FAH: variants seen among roughly 807,000 people sequenced by gnomAD.
FAH encodes the protein fumarylacetoacetate hydrolase.
FAH carries 47 observed loss-of-function variants against 55.8 expected under a neutral mutation model. That is an observed-to-expected ratio of 0.84 (90% confidence interval 0.67 to 1.07). The LOEUF (loss-of-function observed/expected upper bound fraction) is 1.07, where lower values mean the gene tolerates loss of function less well. FAH is among the 50% of genes least tolerant of loss of function. The probability of loss-of-function intolerance (pLI) is 0.00; values close to 1 mark genes in which losing one functional copy is unlikely to be tolerated. For missense variants in FAH, 495 were observed against 545.9 expected, an observed-to-expected ratio of 0.91 and a Z score of 0.93; for synonymous variants, 199 against 207.7, an observed-to-expected ratio of 0.96 and a Z score of 0.36.
chr15:80,155,832 A>C (rs2041094354), intron 1 of FAH: 1 of 456,194 alleles, frequency 2.2e-6, no homozygotes, highest in African/African-American at 2.0e-5. Flanking sequence ...GAGGGAAGGC[A>C]GCATAAGTCA....
In FAH at chr15:80,181,069, G is replaced by T. The variant is rs121965076; in HGVS notation, c.1090G>T (p.Glu364Ter). Reference sequence around the variant, plus strand: ...GCCAGAAAACTTCGGCTCCATGTTGGAACTGTCGTGGAAGGGAACGAAGCC... The same window carrying T: ...GCCAGAAAACTTCGGCTCCATGTTGTAACTGTCGTGGAAGGGAACGAAGCC... ...PEPENFGSMLELSWKGTKPID... is the reference protein window; with the variant it reads ...PEPENFGSML Residue 364 changes from glutamate to a stop codon, truncating the protein, a stop_gained, in exon 13 of 14, where the codon GAA becomes TAA. Coordinates refer to ENST00000561421, the MANE Select transcript of FAH (RefSeq NM_000137.4). LOFTEE classifies it high-confidence loss of function. The T allele has an allele frequency of 9.0e-5, 146 of 1,613,620 alleles. No individual in the cohort carries two copies. Among genetic ancestry groups the T allele is most frequent in the Non-Finnish European group, 1.2e-4 (142 of 1,179,770 alleles).
At chr15:80,160,977 T>A (rs778452575) in intron 4 of FAH, among the ~76,000 whole-genome samples, 26 of 152,218 alleles carry the variant, frequency 1.7e-4, no homozygotes, top group Non-Finnish European at 3.8e-4. Flanking sequence ...TCTGCTGGGC[T>A]ACCTGGGCAC....
chr15:80,173,416 A>G (rs560501622), intron 9 of FAH: 2 of 546,878 alleles, frequency 3.7e-6, no homozygotes, highest in Non-Finnish European at 6.6e-6. Context: ...GACCCGGGGG[A>G]TCTGGCCAGT....
At chr15:80,160,304 C>G in intron 3 of FAH, 106 bp from the exon 4 acceptor site, 1 of 1,152,678 alleles carries the variant, frequency 8.7e-7, no homozygotes, top group South Asian at 1.2e-5. Context: ...CAGAAGGTGC[C>G]CACTGGAGAT....
chr15:80,152,950 G>C (rs112474268), upstream of FAH: 264,758 of 975,720 alleles, frequency 0.27, 37,728 homozygotes, highest in Non-Finnish European at 0.3. Flanking sequence ...GACAGGCCGT[G>C]GGGGCGGGCA....
rs57837512 is a variant in FAH, at chr15:80,153,171, G to GGGAGTGGAGTGGAGT, written c.81+65_81+79dup. The GGGAGTGGAGTGGAGT allele has an allele frequency of 4.3e-3, 5,392 of 1,249,794 alleles. 235 individuals carry two copies. In the African/African-American group the frequency reaches 0.077, roughly 18 times the overall value. 77.4% of individuals were successfully genotyped at this position (1,249,794 alleles called of 1,614,324 possible). A position where few individuals can be genotyped will look rare whatever the true frequency, so the allele number is the denominator to read the frequency against. ...GGGCTTTGGCGTCCGGGCGCGGGGA[G>GGGAGTGGAGTGGAGT]GGAGTGGAGTGGAGTGGAGTGGAGT... On this transcript the variant is annotated intron_variant, in intron 1 of 13. Transcript: ENST00000561421.
In FAH at chr15:80,160,471, C is replaced by T. The variant is rs764859961; in HGVS notation, c.364+12C>T. Reference sequence around the variant, plus strand: ...TCCAGCCACCATAGGTGAGTGCAGTCTCTTCACCAAGATAAGAACGGAGCA... The same window carrying T: ...TCCAGCCACCATAGGTGAGTGCAGTTTCTTCACCAAGATAAGAACGGAGCA... On this transcript the variant is annotated intron_variant, in intron 4 of 13. Coordinates refer to ENST00000561421, the MANE Select transcript of FAH (RefSeq NM_000137.4). The T allele has an allele frequency of 6.2e-7, 1 of 1,613,770 alleles. No individual in the cohort carries two copies. Among genetic ancestry groups the T allele is most frequent in the Admixed American group, 1.7e-5 (1 of 60,030 alleles).
chr15:80,157,905 G>A, intron 1 of FAH, 155 bp from the exon 2 acceptor site: 2 of 684,046 alleles, frequency 2.9e-6, no homozygotes, highest in South Asian at 3.1e-5. Context: ...GGGAGCTGGG[G>A]CAGGATGCTG....
At chr15:80,173,574 T>A (rs529710600) in intron 9 of FAH, 57 of 348,216 alleles carry the variant, frequency 1.6e-4, no homozygotes, top group African/African-American at 1.2e-3. Context: ...AGCCTCTGGT[T>A]CCCGGCACCG....
rs559050778 is a variant in FAH, at chr15:80,181,088, C to T, written c.1109C>T (p.Thr370Met). ...ATGTTGGAACTGTCGTGGAAGGGAA[C>T]GAAGCCCATAGACCTGGGGAATGGT... ...GSMLELSWKG[T>M]KPIDLGNGQT... Residue 370 changes from threonine to methionine, a missense_variant, in exon 13 of 14, where the codon ACG (threonine) becomes ATG (methionine). By Grantham distance (81) the Thr-to-Met change is moderately conservative. Coordinates refer to ENST00000561421, the MANE Select transcript of FAH (RefSeq NM_000137.4). 6.8e-6 allele frequency: 11 copies of T among 1,613,744 alleles called. No individual in the cohort carries two copies. The highest frequency in any genetic ancestry group is 1.6e-4 in the Middle Eastern group (1 of 6,080).
intron 1 of FAH, chr15:80,157,616 CTG>C (rs1412097913): frequency 2.6e-5 from 7 of 274,156 alleles, no homozygotes; most frequent in Non-Finnish European, 5.0e-5. Context: ...GCCCTCAGCA[CTG>C]TGTGTTGGGC....
At chr15:80,172,329 C>A in intron 8 of FAH, 81 bp downstream of exon 8, 2 of 1,034,322 alleles carry the variant, frequency 1.9e-6, no homozygotes, top group Non-Finnish European at 1.5e-6. Flanking sequence ...AGCTGAAGAT[C>A]TGGTGCAGGT....
chr15:80,168,801 C>G (rs1300377801), intron 7 of FAH, among the ~76,000 whole-genome samples: 1 of 152,120 alleles, frequency 6.6e-6, no homozygotes, highest in Non-Finnish European at 1.5e-5. Context: ...CGTCTAGTGT[C>G]CCTAGCACAG....
intron 13 of FAH, among the ~76,000 whole-genome samples, chr15:80,182,668 C>A (rs1475457811): frequency 6.6e-6 from 1 of 152,130 alleles, no homozygotes; most frequent in East Asian, 1.9e-4. Flanking sequence ...TATCATTGCC[C>A]CCATTTTGCA....
Position 80,177,633 on chromosome 15 carries a change from G to A in FAH, c.960+50G>A, listed in dbSNP as rs752203489. On this transcript the variant is annotated intron_variant, in intron 11 of 13. Coordinates refer to ENST00000561421, the MANE Select transcript of FAH (RefSeq NM_000137.4). ...GCTTTTTAGAATTGAGGGAAAGAGA[G>A]ACTTTTCTTCCTGGCAGGAACAGGA... 1.2e-5 allele frequency: 18 copies of A among 1,514,712 alleles called. No homozygotes were observed. In the East Asian group the frequency reaches 4.1e-4, roughly 34 times the overall value. The allele number at this position is 1,514,712 out of a possible 1,614,324, so 93.8% of individuals were successfully genotyped here. A position where few individuals can be genotyped will look rare whatever the true frequency, so the allele number is the denominator to read the frequency against.
intron 7 of FAH, 70 bp downstream of exon 7, chr15:80,168,386 TC>T: frequency 1.3e-6 from 2 of 1,527,658 alleles, no homozygotes. Flanking sequence ...TTGGGATGGC[TC>T]CCCGCACCAT....
chr15:80,156,551 C>A (rs1755243808), intron 1 of FAH: 1 of 152,184 alleles, frequency 6.6e-6, no homozygotes, highest in African/African-American at 2.4e-5. Context: ...ATATGACCAA[C>A]TATTTTAAAA....
intron 12 of FAH, among the ~76,000 whole-genome samples, chr15:80,180,601 G>T (rs145723479): frequency 1.3e-5 from 2 of 152,174 alleles, no homozygotes; most frequent in African/African-American, 4.8e-5. Flanking sequence ...GTAAGCCTGC[G>T]GGAGTCACAG....
chr15:80,169,718 A>G (rs1176778282), intron 7 of FAH, among the ~76,000 whole-genome samples: 3 of 152,076 alleles, frequency 2.0e-5, no homozygotes, highest in Non-Finnish European at 4.4e-5. Context: ...TATTTTTAGT[A>G]GAGACAGGGT....
Sources: allele counts gnomAD v4.1 joint callset (sites outside exome capture counted in the v4.1 genomes callset), GRCh38; gene constraint gnomAD v4.1.1; transcripts MANE v1.5; gene names NCBI Gene and HGNC (gene_info 2026-07-23, HGNC 2026-07-21).